Variants in GALNS observed in about 807,000 individuals in gnomAD.
The protein encoded by GALNS is N-acetylgalactosamine-6-sulfatase.
GALNS carries 65 observed loss-of-function variants against 65.9 expected under a neutral mutation model. The observed-to-expected ratio is 0.99, with a 90% CI of 0.81 to 1.21. The LOEUF is 1.21. GALNS is among the 50% of genes most tolerant of loss of function. The probability of loss-of-function intolerance (pLI) is 0.00; values close to 1 mark genes in which losing one functional copy is unlikely to be tolerated. For missense variants in GALNS, 776 were observed against 700.7 expected (o/e 1.11, Z -1.21); for synonymous variants, 346 against 288.9 (o/e 1.20, Z -2.00).
chr16:88,838,001 T>C (rs898565902), intron 4 of GALNS: 6 of 535,696 alleles, frequency 1.1e-5, no homozygotes, highest in South Asian at 8.6e-5. Context: ...GCGGCAGGCA[T>C]GGCGGCGGCC....
At chr16:88,817,011 C>T in intron 13 of GALNS, 1 of 985,472 alleles carries the variant, frequency 1.0e-6, no homozygotes, top group Non-Finnish European at 1.2e-6. Context: ...CACCGCAGAC[C>T]TGTGTGTGGC....
chr16:88,851,616 C>T (rs1378328208), intron 1 of GALNS, among the ~76,000 whole-genome samples: 2 of 152,170 alleles, frequency 1.3e-5, no homozygotes, highest in East Asian at 1.9e-4. Context: ...CAAGGGAAGC[C>T]GTGACAGACT....
At chr16:88,834,670 G>A (rs900227783) in intron 8 of GALNS, among the ~76,000 whole-genome samples, 5 of 144,850 alleles carry the variant, frequency 3.5e-5, no homozygotes, top group African/African-American at 9.9e-5. Context: ...GGCGGGTTCA[G>A]GTTTGTTGGC....
At chr16:88,843,294 T>A (rs1201335786) in intron 1 of GALNS, 3 of 1,087,196 alleles carry the variant, frequency 2.8e-6, no homozygotes, top group Non-Finnish European at 3.7e-6. Context: ...CCAGTTATCG[T>A]GTGACCCTGC....
At chr16:88,853,481 G>A (rs1967604178) in intron 1 of GALNS, among the ~76,000 whole-genome samples, 1 of 152,128 alleles carries the variant, frequency 6.6e-6, no homozygotes, top group South Asian at 2.1e-4. Flanking sequence ...CTGGTGGCTC[G>A]ACGAGGCTGC....
intron 9 of GALNS, among the ~76,000 whole-genome samples, chr16:88,830,820 G>C (rs1442903068): frequency 2.6e-5 from 4 of 152,196 alleles, no homozygotes; most frequent in Admixed American, 6.5e-5. Context: ...ACGGTCTCGT[G>C]TCGGGCTGCT....
At chr16:88,856,161 G>C (rs1057158496) in intron 1 of GALNS, 3 of 702,898 alleles carry the variant, frequency 4.3e-6, no homozygotes, top group Non-Finnish European at 7.8e-6. Context: ...TGCCCACCAG[G>C]AGACATTCCA....
intron 1 of GALNS, among the ~76,000 whole-genome samples, chr16:88,851,740 C>G (rs528617305): frequency 6.6e-6 from 1 of 152,172 alleles, no homozygotes; most frequent in East Asian, 1.9e-4. Flanking sequence ...CTCATGCCCA[C>G]GGAGCCTTGC....
At chr16:88,833,965 C>G (rs1224339787) in intron 8 of GALNS, among the ~76,000 whole-genome samples, 1 of 152,222 alleles carries the variant, frequency 6.6e-6, no homozygotes, top group Non-Finnish European at 1.5e-5. Flanking sequence ...GTGCTGGCGT[C>G]GAGGTGGGCC....
At chr16:88,847,421 C>G (rs1967299784) in intron 1 of GALNS, among the ~76,000 whole-genome samples, 1 of 152,188 alleles carries the variant, frequency 6.6e-6, no homozygotes, top group African/African-American at 2.4e-5. Flanking sequence ...TTCACCCCAT[C>G]CAGCCTCCTC....
rs1909402494 is a variant in GALNS, at chr16:88,814,279, G to A, written c.*160C>T. The A allele has an allele frequency of 2.0e-6, 2 of 977,330 alleles. No homozygotes were observed. Among genetic ancestry groups the A allele is most frequent in the Non-Finnish European group, 3.2e-6 (2 of 634,354 alleles). The allele number at this position is 977,330 out of a possible 1,614,324, so 60.5% of individuals were successfully genotyped here. ...GAGGGCCAAGCACACGCCAGGGTCA[G>A]GTCCTGGGCAGGTGGAATTGTGCAG... On this transcript the variant is annotated 3_prime_UTR_variant, in exon 14 of 14. Coordinates refer to ENST00000268695, the MANE Select transcript of GALNS (RefSeq NM_000512.5).
At position 88,823,891 on chromosome 16, in the gene GALNS, T is replaced by C. The variant is rs559976220; in HGVS notation, c.1242+876A>G. Among the ~76,000 whole-genome samples the C allele has an allele frequency of 4.0e-5, 6 of 151,810 alleles. No homozygotes were observed. The South Asian group carries it at 1.0e-3, about 26-fold the overall frequency. On this transcript the variant is annotated intron_variant, in intron 11 of 13. Transcript: ENST00000268695. ...GGGGACCGATGCCCAGGATGGCCCT[T>C]GCAGGTGACAGTGCTGGGTAAAACC...
chr16:88,855,321 A>T (rs1967754529), intron 1 of GALNS: 4 of 700,328 alleles, frequency 5.7e-6, no homozygotes, highest in Non-Finnish European at 7.8e-6. Flanking sequence ...ATGCTGGCCC[A>T]GAAGGAGTTA....
Position 88,856,761 on chromosome 16 carries a change from G to C in GALNS, c.117C>G (p.Asp39Glu). ...CCGTCCCACCGCCCGCACTCACGTCGTCCATGAGCAGGAGCAGGATGTTGG... is the reference window on the plus strand; with the variant it reads ...CCGTCCCACCGCCCGCACTCACGTCCTCCATGAGCAGGAGCAGGATGTTGG... ...QPPNILLLLM[D>E]DMGWGDLGVY... Residue 39 changes from aspartate (D) to glutamate (E), a missense_variant, in exon 1 of 14, where the codon GAC becomes GAG. Transcript: ENST00000268695. 1 of 1,528,054 alleles carries C rather than the reference G, an allele frequency of 6.5e-7. No homozygotes were observed. The highest frequency in any genetic ancestry group is 1.2e-5 in the South Asian group (1 of 83,944). 94.7% of individuals were successfully genotyped at this position (1,528,054 alleles called of 1,614,324 possible).
chr16:88,856,600 T>G, intron 1 of GALNS, 158 bp downstream of exon 1: 4 of 160,078 alleles, frequency 2.5e-5, no homozygotes, highest in East Asian at 1.4e-4. Flanking sequence ...CCCCTCCCCC[T>G]CCTCCTCCCC....
intron 6 of GALNS, 76 bp downstream of exon 6, chr16:88,836,125 C>T: frequency 1.5e-6 from 2 of 1,377,122 alleles, no homozygotes; most frequent in South Asian, 1.2e-5. Context: ...TGTCCCCACG[C>T]CTCCCACAGG....
At chr16:88,856,331 G>A in intron 1 of GALNS, 1 of 702,628 alleles carries the variant, frequency 1.4e-6, no homozygotes, top group East Asian at 2.7e-5. Flanking sequence ...AGGCAGGGCG[G>A]CAGGAGCAGC....
At chr16:88,840,596 C>T in intron 4 of GALNS, 1 of 351,428 alleles carries the variant, frequency 2.8e-6, no homozygotes, top group Non-Finnish European at 5.6e-6. Flanking sequence ...TTTCACCATC[C>T]AACAGGCCCC....
Position 88,832,029 on chromosome 16 carries a change from G to A in GALNS, c.971C>T (p.Ala324Val). 2 of 1,613,770 alleles carry A rather than the reference G, an allele frequency of 1.2e-6. No homozygotes were observed. The highest frequency in any genetic ancestry group is 8.5e-7 in the Non-Finnish European group (1 of 1,179,872). ...FEGGMREPAL[A>V]WWPGHVTAGQ... Reference sequence around the variant, plus strand: ...TGCAGTGACGTGCCCTGGCCACCATGCGAGGGCAGGCTCCCTCATCCCTCC... The same window carrying A: ...TGCAGTGACGTGCCCTGGCCACCATACGAGGGCAGGCTCCCTCATCCCTCC... The change falls in exon 9 of 14, where the codon GCA becomes GTA. Residue 324 changes from alanine (A) to valine (V), a missense_variant. Coordinates refer to ENST00000268695, the MANE Select transcript of GALNS (RefSeq NM_000512.5).
Sources: gnomAD v4.1 joint callset for allele counts (sites outside exome capture counted in the v4.1 genomes callset) on GRCh38, gnomAD v4.1.1 for gene constraint, MANE v1.5 for transcripts, NCBI Gene and HGNC (gene_info 2026-07-23, HGNC 2026-07-21) for gene names.